Variants in CEP128 observed in about 807,000 individuals in gnomAD.
CEP128 encodes the protein centrosomal protein 128kDa.
CEP128 carries 132 observed loss-of-function variants against 156.7 expected under a neutral mutation model. That is an observed-to-expected ratio of 0.84 (90% CI 0.73 to 0.97). The LOEUF (loss-of-function observed/expected upper bound fraction) is 0.97, where lower values mean the gene tolerates loss of function less well. Ranked by LOEUF, CEP128 falls within the 50% of genes least tolerant of loss-of-function variation. CEP128 has a pLI of 0.00. For synonymous variants in CEP128, 469 were observed against 448.9 expected (o/e 1.04, Z -0.57); for missense variants, 1,252 against 1,281.9 (o/e 0.98, Z 0.36).
At chr14:80,576,962 C>A (rs567509487) in intron 20 of CEP128, among the ~76,000 whole-genome samples, 1 of 152,008 alleles carries the variant, frequency 6.6e-6, no homozygotes, top group Non-Finnish European at 1.5e-5. Context: ...AATTACAGTT[C>A]GTTGAAAGGT....
At chr14:80,922,119 A>T (rs1884901230) in intron 2 of CEP128, among the ~76,000 whole-genome samples, 2 of 152,244 alleles carry the variant, frequency 1.3e-5, no homozygotes, top group Non-Finnish European at 2.9e-5. Flanking sequence ...GCCGGTTAAC[A>T]GGCTGACAGC....
chr14:80,617,731 C>A (rs1293337142), intron 19 of CEP128, among the ~76,000 whole-genome samples: 1 of 152,136 alleles, frequency 6.6e-6, no homozygotes, highest in Admixed American at 6.5e-5. Flanking sequence ...CTCTTGAGCC[C>A]AGGAGTCGGA....
rs147061672 is a variant in CEP128 at position 80,793,625 on chromosome 14, T to C, written c.1210-515A>G. 5.5e-3 allele frequency among the ~76,000 whole-genome samples: 836 copies of C among 152,326 alleles called. 5 individuals are homozygous for C. Among genetic ancestry groups the C allele is most frequent in the African/African-American group, 0.019 (778 of 41,578 alleles). On this transcript the variant is annotated intron_variant, in intron 13 of 24. Coordinates refer to ENST00000555265, the MANE Select transcript of CEP128 (RefSeq NM_152446.5). ...TATTAGGTTCCCAATAAAGTGTTTATACATTATTTCCAGATAAACCAACAT... is the reference window on the plus strand; with the variant it reads ...TATTAGGTTCCCAATAAAGTGTTTACACATTATTTCCAGATAAACCAACAT...
Position 80,496,647 on chromosome 14 carries a change from G to A in CEP128, c.*832C>T, listed in dbSNP as rs1182046996. ...GTTCTTAGACACTTTGATGAAAAAAGTTGGGATGGTAGAAGCAGATAGGAC... is the reference window on the plus strand; with the variant it reads ...GTTCTTAGACACTTTGATGAAAAAAATTGGGATGGTAGAAGCAGATAGGAC... On this transcript the variant is annotated 3_prime_UTR_variant, in exon 25 of 25. Transcript: ENST00000555265. 1 of 152,314 alleles carries A rather than the reference G, an allele frequency of 6.6e-6. No homozygotes were observed. The highest frequency in any genetic ancestry group is 2.1e-4 in the South Asian group (1 of 4,828). The allele number at this position is 152,314 out of a possible 1,614,324, so 9.4% of individuals were successfully genotyped here.
At chr14:80,926,508 G>A (rs368869286) in intron 2 of CEP128, among the ~76,000 whole-genome samples, 3 of 152,164 alleles carry the variant, frequency 2.0e-5, no homozygotes, top group African/African-American at 4.8e-5. Flanking sequence ...GCACTCAAAC[G>A]TGGGGAGCCA....
At chr14:80,574,366 G>A (rs1891268662) in intron 20 of CEP128, among the ~76,000 whole-genome samples, 1 of 152,080 alleles carries the variant, frequency 6.6e-6, no homozygotes, top group Non-Finnish European at 1.5e-5. Context: ...TAAAAGTACT[G>A]GTTATGGGCA....
intron 19 of CEP128, among the ~76,000 whole-genome samples, chr14:80,689,851 T>C (rs1896657395): frequency 6.7e-6 from 1 of 150,294 alleles, no homozygotes; most frequent in Non-Finnish European, 1.5e-5. Context: ...CATATATAAT[T>C]ATACAGTTAA....
chr14:80,677,796 A>C (rs1407936475), intron 19 of CEP128, among the ~76,000 whole-genome samples: 3 of 151,912 alleles, frequency 2.0e-5, no homozygotes, highest in African/African-American at 7.2e-5. Flanking sequence ...AAGCCAAAAA[A>C]CCTTAATTGT....
At chr14:80,547,965 A>C (rs1057050592) in intron 21 of CEP128, among the ~76,000 whole-genome samples, 1 of 151,954 alleles carries the variant, frequency 6.6e-6, no homozygotes, top group South Asian at 2.1e-4. Context: ...CGCCCAGCTA[A>C]TTTTTTGTAT....
At chr14:80,729,062 T>C (rs1261430951) in intron 19 of CEP128, among the ~76,000 whole-genome samples, 1 of 30,660 alleles carries the variant, frequency 3.3e-5, no homozygotes, top group African/African-American at 1.2e-4. Flanking sequence ...GGTGGGGGTG[T>C]GTGTGTGTGT....
chr14:80,581,515 G>A (rs1434786038), intron 19 of CEP128, among the ~76,000 whole-genome samples: 1 of 152,170 alleles, frequency 6.6e-6, no homozygotes, highest in Non-Finnish European at 1.5e-5. Flanking sequence ...GCAGATGACA[G>A]AACTGATTGT....
chr14:80,479,528 C>G (rs966051984), intron 14 of CEP128, among the ~76,000 whole-genome samples: 7 of 152,156 alleles, frequency 4.6e-5, no homozygotes, highest in African/African-American at 1.7e-4. Context: ...TATTCACTAT[C>G]ATGAGAATAT....
In CEP128 at chr14:80,673,658, AAAAAAAAAAAAAAT is replaced by A; in HGVS notation, c.2806+69403_2806+69416del. On this transcript the variant is annotated intron_variant, in intron 19 of 24. Coordinates refer to ENST00000555265, the MANE Select transcript of CEP128 (RefSeq NM_152446.5). ...GAGACTCCGTCTCAAAAAAAAAAAAAAAAAAAAAAAAAATGTACTAAAGCAAAGGGATCTCACAT... is the reference window on the plus strand; with the variant it reads ...GAGACTCCGTCTCAAAAAAAAAAAAAGTACTAAAGCAAAGGGATCTCACAT... Among the ~76,000 whole-genome samples the A allele has an allele frequency of 1.3e-5, 2 of 148,426 alleles. 1 individual carries two copies. The highest frequency in any genetic ancestry group is 3.9e-4 in the East Asian group (2 of 5,140).
intron 8 of CEP128, among the ~76,000 whole-genome samples, chr14:80,879,789 A>C (rs1016503760): frequency 6.6e-6 from 1 of 152,034 alleles, no homozygotes; most frequent in Non-Finnish European, 1.5e-5. Context: ...AAACCCCCCA[A>C]GTCTTGGAAA....
At chr14:80,477,721 T>C (rs925101375) in exon 15 of CEP128, 1 of 152,216 alleles carries the variant, frequency 6.6e-6, no homozygotes, top group Non-Finnish European at 1.5e-5. Flanking sequence ...ATGAATCCAG[T>C]AGGTTGTAGT....
chr14:80,859,570 A>T (rs116110142), intron 9 of CEP128, among the ~76,000 whole-genome samples: 13,991 of 148,236 alleles, frequency 0.094, 738 homozygotes, highest in African/African-American at 0.16. Context: ...ATTAATTTTT[A>T]AAAAAAAGAA....
chr14:80,729,415 C>T (rs1203067085), intron 19 of CEP128, among the ~76,000 whole-genome samples: 1 of 151,944 alleles, frequency 6.6e-6, no homozygotes, highest in African/African-American at 2.4e-5. Flanking sequence ...CTTATCCACT[C>T]GTTGATTGGT....
chr14:80,573,518 G>A (rs191413821), intron 20 of CEP128, among the ~76,000 whole-genome samples: 214 of 152,170 alleles, frequency 1.4e-3, no homozygotes, highest in African/African-American at 4.3e-3. Context: ...TACTTCTTTC[G>A]TAGGGTATTC....
chr14:80,852,254 AAG>A (rs1403633158), intron 9 of CEP128, among the ~76,000 whole-genome samples: 6 of 152,148 alleles, frequency 3.9e-5, no homozygotes, highest in Non-Finnish European at 2.9e-5. Context: ...AAACAATAAA[AAG>A]AGTTTAAAAA....
Sources: gnomAD v4.1 joint callset for allele counts (sites outside exome capture counted in the v4.1 genomes callset) on GRCh38, gnomAD v4.1.1 for gene constraint, MANE v1.5 for transcripts, NCBI Gene and HGNC (gene_info 2026-07-23, HGNC 2026-07-21) for gene names.